The following CRYBG1 variants were observed in gnomAD, a reference collection of about 807,000 sequenced individuals.
CRYBG1 encodes beta/gamma crystallin domain-containing protein 1.
In CRYBG1, 139 loss-of-function variants were observed where a neutral mutation model predicts 189.2. That is an observed-to-expected ratio of 0.73 (90% CI 0.64 to 0.85). The LOEUF is 0.85. Among genes scored for constraint, CRYBG1 ranks in the 40% least tolerant of loss-of-function variants. CRYBG1 has a pLI of 0.00. For synonymous variants in CRYBG1, 1,023 were observed against 1,017.1 expected, an observed-to-expected ratio of 1.01 and a Z score of -0.11; for missense variants, 2,611 against 2,675.8, an observed-to-expected ratio of 0.98 and a Z score of 0.53.
intron 2 of CRYBG1, among the ~76,000 whole-genome samples, chr6:106,510,966 T>C (rs1773245319): frequency 6.6e-6 from 1 of 152,206 alleles, no homozygotes; most frequent in Non-Finnish European, 1.5e-5. Flanking sequence ...GTTTTTTTTC[T>C]TCGTCCTCCT....
chr6:106,407,752 A>G (rs563108365), intron 1 of CRYBG1, among the ~76,000 whole-genome samples: 2 of 152,358 alleles, frequency 1.3e-5, no homozygotes, highest in South Asian at 4.1e-4. Context: ...TGGAACCTGA[A>G]CAACCTGCTC....
rs540123820 is a variant in CRYBG1 at position 106,517,040 on chromosome 6, C to T, written c.1923-2091C>T. Among the ~76,000 whole-genome samples the T allele has an allele frequency of 4.6e-4, 60 of 130,728 alleles. 1 individual carries two copies. Among genetic ancestry groups the T allele is most frequent in the African/African-American group, 1.5e-3 (53 of 34,750 alleles). 85.8% of individuals were successfully genotyped at this position (130,728 alleles called of 152,430 possible). Reference sequence around the variant, plus strand: ...TTTTTTTTTTTTTGAGACAGAGTCTCACTTTGTCACCCAAGCTGGAGTGCA... The same window carrying T: ...TTTTTTTTTTTTTGAGACAGAGTCTTACTTTGTCACCCAAGCTGGAGTGCA... On this transcript the variant is annotated intron_variant, in intron 3 of 21. Transcript: ENST00000633556.
intron 3 of CRYBG1, among the ~76,000 whole-genome samples, chr6:106,517,463 TACAC>T (rs1172780662): frequency 4.7e-5 from 5 of 105,468 alleles, no homozygotes; most frequent in South Asian, 6.6e-4. Flanking sequence ...CATATATATA[TACAC>T]ACACACATAT....
intron 18 of CRYBG1, among the ~76,000 whole-genome samples, 193 bp from the exon 19 acceptor site, chr6:106,560,610 C>T (rs1774689757): frequency 6.6e-6 from 1 of 152,140 alleles, no homozygotes; most frequent in Non-Finnish European, 1.5e-5. Context: ...GGCATAAGTA[C>T]TCATGTAACA....
chr6:106,442,539 T>C (rs1172256760), intron 1 of CRYBG1, among the ~76,000 whole-genome samples: 1 of 152,354 alleles, frequency 6.6e-6, no homozygotes, highest in East Asian at 1.9e-4. Flanking sequence ...CAGTTTTGCA[T>C]GTAACTATCG....
chr6:106,564,196 C>T (rs1774806669), intron 21 of CRYBG1, among the ~76,000 whole-genome samples: 1 of 152,104 alleles, frequency 6.6e-6, no homozygotes, highest in South Asian at 2.1e-4. Context: ...AACAAAACCC[C>T]GGAAGCTCAA....
chr6:106,550,298 G>A (rs1774365562), intron 13 of CRYBG1, among the ~76,000 whole-genome samples: 3 of 152,166 alleles, frequency 2.0e-5, no homozygotes, highest in Non-Finnish European at 4.4e-5. Flanking sequence ...GAAACATTTT[G>A]CAAAGTTCTG....
Position 106,520,578 on chromosome 6 carries a change from A to G in CRYBG1, c.3370A>G (p.Lys1124Glu). The change falls in exon 4 of 22, where the codon AAA (lysine) becomes GAA (glutamate). Residue 1124 changes from lysine to glutamate, a missense_variant. By Grantham distance (56) the Lys-to-Glu change is moderately conservative (BLOSUM62 1). This residue lies in a region of CRYBG1 where 1,622 missense variants were observed against 1,735.0 expected (regional missense o/e 0.93). Coordinates refer to ENST00000633556, the MANE Select transcript of CRYBG1 (RefSeq NM_001371242.2). Reference sequence around the variant, plus strand: ...GGATAGCGCAGTTTGTATGCCCATGAAAAGAAAGAAGGCCAGGATGCCAAA... The same window carrying G: ...GGATAGCGCAGTTTGTATGCCCATGGAAAGAAAGAAGGCCAGGATGCCAAA... ...QMDSAVCMPM[K>E]RKKARMPNSP... 1 of 1,614,060 alleles carries G rather than the reference A, an allele frequency of 6.2e-7. No individual in the cohort carries two copies. The highest frequency in any genetic ancestry group is 8.5e-7 in the Non-Finnish European group (1 of 1,179,944).
chr6:106,448,136 A>G (rs1023422560), intron 1 of CRYBG1, among the ~76,000 whole-genome samples: 2 of 152,158 alleles, frequency 1.3e-5, no homozygotes, highest in African/African-American at 4.8e-5. Flanking sequence ...TGCGAAGCCC[A>G]CTCAGCCCAC....
intron 2 of CRYBG1, among the ~76,000 whole-genome samples, chr6:106,461,632 A>G (rs533907339): frequency 5.6e-4 from 85 of 152,234 alleles, no homozygotes; most frequent in African/African-American, 2.0e-3. Context: ...ACTCCCTTCT[A>G]TTGCCAAGAA....
chr6:106,567,892 CAACT>C (rs71771628), intron 21 of CRYBG1, among the ~76,000 whole-genome samples: 25,090 of 151,928 alleles, frequency 0.17, 2,569 homozygotes, highest in African/African-American at 0.29. Flanking sequence ...TTTTATCCAC[CAACT>C]GAGTCCCCAG....
In CRYBG1 at chr6:106,512,161, C is replaced by A; in HGVS notation, c.1044C>A (p.Ala348=). 2.0e-6 allele frequency: 3 copies of A among 1,534,350 alleles called. No individual in the cohort carries two copies. The highest frequency in any genetic ancestry group is 2.6e-6 in the Non-Finnish European group (3 of 1,145,834). The change falls in exon 3 of 22, where the codon GCC becomes GCA. Residue 348 remains alanine, a synonymous_variant. Transcript: ENST00000633556. ...CTGATTTGCCAGGTGAGCCTCCGGC[C>A]GAGGGCGCAGCGCACACGGCCAGCT... is the stretch of plus-strand genomic sequence containing the variant. ...GASDLPGEPP[A]EGAAHTASSA... is the part of the protein sequence containing the mutation.
At chr6:106,474,327 G>A (rs1208697317) in intron 2 of CRYBG1, among the ~76,000 whole-genome samples, 1 of 152,180 alleles carries the variant, frequency 6.6e-6, no homozygotes, top group Non-Finnish European at 1.5e-5. Flanking sequence ...TTGCATGACA[G>A]AGAAAGACCT....
intron 18 of CRYBG1, among the ~76,000 whole-genome samples, chr6:106,560,259 A>G (rs1774675383): frequency 6.6e-6 from 1 of 152,212 alleles, no homozygotes; most frequent in African/African-American, 2.4e-5. Context: ...TGTAATATGC[A>G]AGAGAGGAGG....
At chr6:106,457,703 T>C (rs1771917249) in intron 2 of CRYBG1, among the ~76,000 whole-genome samples, 1 of 152,166 alleles carries the variant, frequency 6.6e-6, no homozygotes, top group South Asian at 2.1e-4. Flanking sequence ...AGTCAGATCT[T>C]GCCATCATTT....
chr6:106,398,597 A>T (rs1159287392), intron 1 of CRYBG1, among the ~76,000 whole-genome samples: 1 of 152,188 alleles, frequency 6.6e-6, no homozygotes, highest in Non-Finnish European at 1.5e-5. Context: ...AAGTATTCAA[A>T]CACTTCTGTT....
chr6:106,468,698 A>G (rs1454638999), intron 2 of CRYBG1, among the ~76,000 whole-genome samples: 2 of 152,226 alleles, frequency 1.3e-5, no homozygotes, highest in Admixed American at 6.5e-5. Context: ...TCAAAAAATC[A>G]TAATAAAATT....
chr6:106,431,390 G>A (rs1360872396), intron 1 of CRYBG1, among the ~76,000 whole-genome samples: 3 of 151,986 alleles, frequency 2.0e-5, no homozygotes, highest in African/African-American at 7.3e-5. Context: ...TAGATTCTAA[G>A]CCATCTTGAG....
At chr6:106,477,786 T>C (rs927057687) in intron 2 of CRYBG1, among the ~76,000 whole-genome samples, 19 of 152,234 alleles carry the variant, frequency 1.2e-4, no homozygotes, top group African/African-American at 4.6e-4. Flanking sequence ...GAATTATCTC[T>C]CTGTTTCTCA....
Sources: allele counts gnomAD v4.1 joint callset (sites outside exome capture counted in the v4.1 genomes callset), GRCh38; gene constraint gnomAD v4.1.1; regional missense constraint gnomAD v4.1.1; transcripts MANE v1.5; gene names NCBI Gene and HGNC (gene_info 2026-07-23, HGNC 2026-07-21).